Variants in CSMD1 observed in about 807,000 individuals in gnomAD.
CSMD1 encodes the protein CUB and Sushi multiple domains 1, also known as CUB and sushi domain-containing protein 1.
CSMD1 carries 213 observed loss-of-function variants against 417.5 expected under a neutral mutation model. The observed-to-expected ratio is 0.51, with a 90% CI of 0.46 to 0.57. The LOEUF (loss-of-function observed/expected upper bound fraction) is 0.57, where lower values mean the gene tolerates loss of function less well. CSMD1 is among the 20% of genes least tolerant of loss of function. The probability of loss-of-function intolerance (pLI) is 0.00; values close to 1 mark genes in which losing one functional copy is unlikely to be tolerated. For synonymous variants in CSMD1, 2,862 were observed against 1,736.8 expected, an observed-to-expected ratio of 1.65 and a Z score of -16.11; for missense variants, 6,923 against 4,529.7, an observed-to-expected ratio of 1.53 and a Z score of -15.17.
intron 3 of CSMD1, among the ~76,000 whole-genome samples, chr8:4,077,685 C>G (rs936872334): frequency 4.3e-4 from 66 of 152,224 alleles, no homozygotes; most frequent in African/African-American, 1.6e-3. Flanking sequence ...TATTTGTTTC[C>G]TAAGACAGAG....
intron 3 of CSMD1, among the ~76,000 whole-genome samples, chr8:4,395,038 T>C (rs1804107106): frequency 1.3e-5 from 2 of 152,132 alleles, no homozygotes; most frequent in African/African-American, 2.4e-5. Flanking sequence ...GCATATCCCA[T>C]ATCCCTTTCC....
intron 7 of CSMD1, among the ~76,000 whole-genome samples, chr8:3,632,719 A>T (rs1796845652): frequency 6.6e-6 from 1 of 152,044 alleles, no homozygotes. Flanking sequence ...ACTTCAGTTA[A>T]AAAGATGACC....
chr8:2,964,521 AG>A (rs1161799288), intron 59 of CSMD1, among the ~76,000 whole-genome samples: 1 of 151,984 alleles, frequency 6.6e-6, no homozygotes, highest in Non-Finnish European at 1.5e-5. Flanking sequence ...CCCATCTGGT[AG>A]GGACTTGCTG....
chr8:4,293,896 G>A (rs1202325774), intron 3 of CSMD1, among the ~76,000 whole-genome samples: 1 of 151,882 alleles, frequency 6.6e-6, no homozygotes, highest in Admixed American at 6.5e-5. Flanking sequence ...AGGTTTGATA[G>A]AGGGATGTCC....
At chr8:4,290,189 G>T (rs535451191) in intron 3 of CSMD1, among the ~76,000 whole-genome samples, 24 of 152,142 alleles carry the variant, frequency 1.6e-4, no homozygotes, top group Non-Finnish European at 2.8e-4. Context: ...ACTTTTGAAA[G>T]AATCAGTCAA....
intron 5 of CSMD1, among the ~76,000 whole-genome samples, chr8:3,909,268 G>A (rs1318474585): frequency 2.0e-5 from 3 of 152,134 alleles, no homozygotes. Context: ...AGGTGTCAGT[G>A]TTGAGGCACT....
chr8:3,350,493 A>C (rs1185896867), intron 21 of CSMD1, among the ~76,000 whole-genome samples: 1 of 152,030 alleles, frequency 6.6e-6, no homozygotes, highest in Non-Finnish European at 1.5e-5. Flanking sequence ...TGAAGTACTC[A>C]TAAAGGGAAT....
intron 26 of CSMD1, among the ~76,000 whole-genome samples, chr8:3,266,947 C>A (rs1167460541): frequency 1.3e-5 from 2 of 152,240 alleles, no homozygotes; most frequent in African/African-American, 2.4e-5. Context: ...CCAACATAGA[C>A]TAAGGTATAA....
chr8:4,526,997 C>G (rs1447120735), intron 2 of CSMD1, among the ~76,000 whole-genome samples: 1 of 152,178 alleles, frequency 6.6e-6, no homozygotes, highest in Non-Finnish European at 1.5e-5. Context: ...CTCTTACTTA[C>G]AAAGTCTTTA....
chr8:3,818,416 A>T (rs1035828488), intron 5 of CSMD1, among the ~76,000 whole-genome samples: 3 of 152,174 alleles, frequency 2.0e-5, no homozygotes, highest in African/African-American at 7.2e-5. Context: ...AAACAGCACC[A>T]AACAATTATT....
intron 3 of CSMD1, among the ~76,000 whole-genome samples, chr8:4,077,055 C>T (rs753380037): frequency 6.6e-6 from 1 of 151,880 alleles, no homozygotes; most frequent in Admixed American, 6.6e-5. Context: ...GTATCTAACC[C>T]TTATTCTCAA....
At chr8:3,997,842 T>C in intron 5 of CSMD1, 61 bp downstream of exon 5, 2 of 1,412,722 alleles carry the variant, frequency 1.4e-6, no homozygotes, top group Admixed American at 2.1e-5. Flanking sequence ...TGAAGCTCGT[T>C]GGGGGAAAAA....
intron 23 of CSMD1, among the ~76,000 whole-genome samples, chr8:3,342,895 GTGTA>G (rs781032317): frequency 0.19 from 17,372 of 93,020 alleles, 1,240 homozygotes; most frequent in South Asian, 0.29. Context: ...AAATATATGT[GTGTA>G]TGTGTGTGTG....
chr8:4,147,121 T>C (rs1298708572), intron 3 of CSMD1, among the ~76,000 whole-genome samples: 2 of 151,654 alleles, frequency 1.3e-5, no homozygotes, highest in Non-Finnish European at 2.9e-5. Context: ...TCCTGACCAA[T>C]CTCTTCCTCA....
At chr8:3,426,928 G>T (rs1294580489) in intron 12 of CSMD1, among the ~76,000 whole-genome samples, 2 of 152,202 alleles carry the variant, frequency 1.3e-5, no homozygotes, top group Non-Finnish European at 2.9e-5. Context: ...GAGGCCTCAG[G>T]AAACTTACAA....
At chr8:4,856,661 G>C (rs1801817701) in intron 1 of CSMD1, among the ~76,000 whole-genome samples, 1 of 148,336 alleles carries the variant, frequency 6.7e-6, no homozygotes, top group East Asian at 2.0e-4. Context: ...GATCAAAAGA[G>C]ACAAAGAAGG....
intron 8 of CSMD1, among the ~76,000 whole-genome samples, chr8:3,591,180 A>G (rs1376884751): frequency 6.6e-6 from 1 of 152,222 alleles, no homozygotes; most frequent in Non-Finnish European, 1.5e-5. Flanking sequence ...TACATGGTAC[A>G]TTGACAATAA....
rs183567062 is a variant in CSMD1, at chr8:3,203,693, C to T, written c.4984+1811G>A. ...GGCCACCCTGAAAACAAACACTTTGCTCCATAAATAACAGGAGTGACTAAG... is the reference window on the plus strand; with the variant it reads ...GGCCACCCTGAAAACAAACACTTTGTTCCATAAATAACAGGAGTGACTAAG... On this transcript the variant is annotated intron_variant, in intron 31 of 69. Coordinates refer to ENST00000635120, the MANE Select transcript of CSMD1 (RefSeq NM_033225.6). 5.1e-3 allele frequency among the ~76,000 whole-genome samples: 766 copies of T among 151,654 alleles called. 37 individuals carry two copies. The highest frequency in any genetic ancestry group is 0.048 in the Admixed American group (731 of 15,278).
chr8:3,560,202 A>C (rs1200874279), intron 10 of CSMD1, among the ~76,000 whole-genome samples: 1 of 152,188 alleles, frequency 6.6e-6, no homozygotes, highest in African/African-American at 2.4e-5. Flanking sequence ...GAATGCAAAG[A>C]AATTCAAGGT....
Sources: allele counts gnomAD v4.1 joint callset (sites outside exome capture counted in the v4.1 genomes callset), GRCh38; gene constraint gnomAD v4.1.1; transcripts MANE v1.5; gene names NCBI Gene and HGNC (gene_info 2026-07-23, HGNC 2026-07-21).